The following MS4A12 variants were observed in gnomAD, a reference collection of about 807,000 sequenced individuals.
MS4A12 encodes membrane-spanning 4-domains subfamily A member 12.
In MS4A12, 28 loss-of-function variants were observed where a neutral mutation model predicts 23.7. That is an observed-to-expected ratio of 1.18 (90% CI 0.88 to 1.62). The LOEUF (loss-of-function observed/expected upper bound fraction) is 1.62, where lower values mean the gene tolerates loss of function less well. Ranked by LOEUF, MS4A12 falls within the 40% of genes most tolerant of loss-of-function variation. The probability of loss-of-function intolerance (pLI) is 0.00; values close to 1 mark genes in which losing one functional copy is unlikely to be tolerated. For synonymous variants in MS4A12, 108 were observed against 110.1 expected, an observed-to-expected ratio of 0.98 and a Z score of 0.12; for missense variants, 342 against 327.0, an observed-to-expected ratio of 1.05 and a Z score of -0.35.
intron 1 of MS4A12, among the ~76,000 whole-genome samples, chr11:60,493,237 G>A (rs1275094169): frequency 1.3e-5 from 2 of 152,098 alleles, no homozygotes; most frequent in African/African-American, 2.4e-5. Flanking sequence ...TTAGCTGGGC[G>A]TAGTGGCAGG....
intron 5 of MS4A12, among the ~76,000 whole-genome samples, chr11:60,505,021 C>T (rs1326639256): frequency 6.6e-6 from 1 of 152,138 alleles, no homozygotes; most frequent in African/African-American, 2.4e-5. Flanking sequence ...GAAAGGACAA[C>T]ACTGTTTGCA....
intron 4 of MS4A12, 75 bp from the exon 5 acceptor site, chr11:60,503,626 A>AATTTGATTG (rs1184849723): frequency 5.9e-6 from 7 of 1,194,102 alleles, no homozygotes; most frequent in Non-Finnish European, 8.3e-6. Context: ...AGAACCATGA[A>AATTTGATTG]ATTTGATTGA....
At chr11:60,503,121 C>T (rs1401372235) in intron 4 of MS4A12, among the ~76,000 whole-genome samples, 4 of 152,150 alleles carry the variant, frequency 2.6e-5, no homozygotes, top group Non-Finnish European at 5.9e-5. Flanking sequence ...ATTGTAGAAA[C>T]TGGGGAAAGT....
chr11:60,497,510 A>ACC lies in MS4A12; in HGVS notation c.193_194dup (p.Gly66ArgfsTer8), dbSNP rs1350291380. 4 of 1,614,174 alleles carry ACC rather than the reference A, an allele frequency of 2.5e-6. No homozygotes were observed. In the African/African-American group the frequency reaches 5.3e-5, roughly 22 times the overall value. ...CTCCGGGAATCTTTGCTAGCAGTCA[A>ACC]CCGGGTCAAGGAAATATACAAATGA... On this transcript the variant is annotated frameshift_variant, in exon 2 of 7. Transcript: ENST00000016913. LOFTEE classifies it high-confidence loss of function.
At chr11:60,498,262 C>T (rs1490183449) in intron 2 of MS4A12, among the ~76,000 whole-genome samples, 1 of 152,174 alleles carries the variant, frequency 6.6e-6, no homozygotes, top group East Asian at 1.9e-4. Context: ...CACAATTCCA[C>T]CAAATTATAT....
intron 2 of MS4A12, among the ~76,000 whole-genome samples, chr11:60,500,453 C>A (rs1358953562): frequency 6.6e-6 from 1 of 152,126 alleles, no homozygotes; most frequent in African/African-American, 2.4e-5. Context: ...GCTCAGCAGT[C>A]AATGTGCTGC....
intron 1 of MS4A12, among the ~76,000 whole-genome samples, chr11:60,495,036 AG>A (rs1210501174): frequency 6.7e-6 from 1 of 149,834 alleles, no homozygotes; most frequent in African/African-American, 2.5e-5. Flanking sequence ...TCTGTCACCC[AG>A]GTTGGAGTGC....
At chr11:60,493,770 C>G (rs538600250) in intron 1 of MS4A12, among the ~76,000 whole-genome samples, 11 of 152,266 alleles carry the variant, frequency 7.2e-5, no homozygotes, top group Non-Finnish European at 1.5e-4. Flanking sequence ...CATCTTCACT[C>G]TGTCAAAAGT....
intron 3 of MS4A12, 149 bp downstream of exon 3, chr11:60,501,331 C>A: frequency 1.1e-6 from 1 of 884,812 alleles, no homozygotes; most frequent in Non-Finnish European, 1.6e-6. Flanking sequence ...AAATTAACAG[C>A]TCTGAATGAG....
intron 4 of MS4A12, among the ~76,000 whole-genome samples, chr11:60,502,523 G>T (rs758609611): frequency 2.0e-5 from 3 of 152,186 alleles, no homozygotes; most frequent in Non-Finnish European, 4.4e-5. Context: ...CATTAAATGA[G>T]TCTAGCTTGT....
Position 60,497,573 on chromosome 11 carries a change from A to G in MS4A12, c.255A>G (p.Lys85=). 6.2e-7 allele frequency: 1 copy of G among 1,614,150 alleles called. No homozygotes were observed. The highest frequency in any genetic ancestry group is 8.5e-7 in the Non-Finnish European group (1 of 1,179,958). Residue 85 remains lysine (K), a synonymous_variant, in exon 2 of 7, where the codon AAA becomes AAG. Coordinates refer to ENST00000016913, the MANE Select transcript of MS4A12 (RefSeq NM_017716.3). ...TGGGAACAGCAGTAATGAACTTTAA[A>G]GAAGAAGCAAAGGCACTAGGGGTAA... The part of the protein sequence containing the change: ...PSVGTAVMNF[K]EEAKALGVIQ...
At chr11:60,504,352 G>A (rs566373417) in intron 5 of MS4A12, among the ~76,000 whole-genome samples, 1 of 152,266 alleles carries the variant, frequency 6.6e-6, no homozygotes, top group East Asian at 1.9e-4. Context: ...GACCTTAAGA[G>A]GAAATGGGTG....
chr11:60,501,625 A>G (rs1215833904), intron 3 of MS4A12, among the ~76,000 whole-genome samples: 4 of 152,104 alleles, frequency 2.6e-5, no homozygotes, highest in Admixed American at 2.0e-4. Flanking sequence ...GAGGCCAGGG[A>G]ATTGCTTGAG....
chr11:60,503,578 T>C, intron 4 of MS4A12, 123 bp from the exon 5 acceptor site: 2 of 778,720 alleles, frequency 2.6e-6, no homozygotes, highest in Non-Finnish European at 2.1e-6. Context: ...AACAGAATAA[T>C]TTCAACTTGA....
At chr11:60,506,931 A>G (rs2086575220) in intron 6 of MS4A12, 89 bp from the exon 7 acceptor site, 2 of 1,517,940 alleles carry the variant, frequency 1.3e-6, no homozygotes, top group Non-Finnish European at 1.8e-6. Context: ...GCTTACCAGA[A>G]TGCTCTTTGT....
chr11:60,506,164 T>C (rs1412443744), intron 5 of MS4A12, among the ~76,000 whole-genome samples: 1 of 152,198 alleles, frequency 6.6e-6, no homozygotes, highest in African/African-American at 2.4e-5. Flanking sequence ...CCTGATCAAA[T>C]AGAAAGCCTG....
At chr11:60,494,402 T>C (rs2086472386) in intron 1 of MS4A12, among the ~76,000 whole-genome samples, 1 of 152,238 alleles carries the variant, frequency 6.6e-6, no homozygotes, top group African/African-American at 2.4e-5. Flanking sequence ...AAGGAGAATG[T>C]AATGAAATCA....
intron 2 of MS4A12, 110 bp from the exon 3 acceptor site, chr11:60,500,935 G>A (rs183886747): frequency 9.4e-6 from 12 of 1,271,692 alleles, no homozygotes; most frequent in South Asian, 1.5e-5. Flanking sequence ...GAATGACAAC[G>A]ATGGATCTCA....
At chr11:60,498,831 AAG>A (rs1369077968) in intron 2 of MS4A12, among the ~76,000 whole-genome samples, 1 of 152,210 alleles carries the variant, frequency 6.6e-6, no homozygotes, top group Non-Finnish European at 1.5e-5. Flanking sequence ...ATATTAGGGA[AAG>A]AGAAAACAAC....
Sources: allele counts gnomAD v4.1 joint callset (sites outside exome capture counted in the v4.1 genomes callset), GRCh38; gene constraint gnomAD v4.1.1; transcripts MANE v1.5; gene names NCBI Gene and HGNC (gene_info 2026-07-23, HGNC 2026-07-21).